The following RIT2 variants were observed in gnomAD, a reference collection of about 807,000 sequenced individuals.
RIT2 encodes the protein Ras like without CAAX 2.
In RIT2, 24 loss-of-function variants were observed where a neutral mutation model predicts 23.7. The ratio of observed to expected loss-of-function variants is 1.01; its 90% CI spans 0.73 to 1.43. The LOEUF is 1.43. Ranked by LOEUF, RIT2 falls within the 40% of genes most tolerant of loss-of-function variation. The pLI, the probability that RIT2 is intolerant of heterozygous loss-of-function variation, is 0.00. For synonymous variants in RIT2, 107 were observed against 91.1 expected (o/e 1.17, Z -0.99); for missense variants, 236 against 266.9 (o/e 0.88, Z 0.81).
chr18:42,806,621 A>G (rs1466276978), intron 4 of RIT2, among the ~76,000 whole-genome samples: 1 of 152,226 alleles, frequency 6.6e-6, no homozygotes, highest in African/African-American at 2.4e-5. Flanking sequence ...TTGCTTTTAC[A>G]TAATCAGTGT....
chr18:42,830,915 C>T (rs1906440097), intron 4 of RIT2, among the ~76,000 whole-genome samples: 1 of 152,060 alleles, frequency 6.6e-6, no homozygotes, highest in African/African-American at 2.4e-5. Context: ...ACTTTTGTCC[C>T]AAAAGTAATT....
intron 1 of RIT2, among the ~76,000 whole-genome samples, chr18:43,055,480 T>G (rs1366798885): frequency 6.6e-6 from 1 of 151,940 alleles, no homozygotes; most frequent in Non-Finnish European, 1.5e-5. Context: ...TACCCCTAAA[T>G]CAAAAGAGGG....
chr18:42,856,538 G>A (rs1314677984), intron 4 of RIT2, among the ~76,000 whole-genome samples: 1 of 152,142 alleles, frequency 6.6e-6, no homozygotes, highest in Non-Finnish European at 1.5e-5. Flanking sequence ...GCCTTAGGGG[G>A]AGTGATTTTT....
At chr18:42,980,443 A>G (rs899958075) in intron 2 of RIT2, among the ~76,000 whole-genome samples, 6 of 152,094 alleles carry the variant, frequency 3.9e-5, no homozygotes, top group African/African-American at 1.4e-4. Context: ...TCTCCCTAGT[A>G]TCAGAGGGAT....
rs1913605625 is a variant in RIT2 at position 43,098,450 on chromosome 18, G to A, written c.103+16967C>T. Among the ~76,000 whole-genome samples the A allele has an allele frequency of 3.3e-5, 5 of 151,978 alleles. No homozygotes were observed. The South Asian group carries it at 1.0e-3, about 31-fold the overall frequency. On this transcript the variant is annotated intron_variant, in intron 1 of 4. Transcript: ENST00000326695. ...AATCTTTTCACCCTAGATAAAGAGA[G>A]AATAGTTGTAACACACAGGGATGTA...
intron 4 of RIT2, among the ~76,000 whole-genome samples, chr18:42,744,104 C>A (rs1457576859): frequency 1.3e-5 from 2 of 152,052 alleles, no homozygotes; most frequent in Non-Finnish European, 2.9e-5. Flanking sequence ...CCTTGTGACC[C>A]CCACTCCTGT....
chr18:43,007,862 T>C (rs1368491763), intron 2 of RIT2, among the ~76,000 whole-genome samples: 2 of 151,704 alleles, frequency 1.3e-5, no homozygotes, highest in Admixed American at 6.6e-5. Context: ...AGTGATCAAA[T>C]AGCATTGGTC....
At chr18:43,079,472 A>T (rs1043148410) in intron 1 of RIT2, among the ~76,000 whole-genome samples, 2 of 152,218 alleles carry the variant, frequency 1.3e-5, no homozygotes, top group Admixed American at 6.5e-5. Flanking sequence ...ATATTAAGAC[A>T]CAATTAATTT....
intron 1 of RIT2, among the ~76,000 whole-genome samples, chr18:43,062,957 G>GT (rs201375727): frequency 1.6e-4 from 24 of 151,806 alleles, no homozygotes; most frequent in South Asian, 1.0e-3. Context: ...AAAATTTTGG[G>GT]TTTTTTTTGA....
chr18:42,819,012 A>G (rs1906073071), intron 4 of RIT2, among the ~76,000 whole-genome samples: 1 of 152,078 alleles, frequency 6.6e-6, no homozygotes, highest in Non-Finnish European at 1.5e-5. Context: ...TAAGGAGATG[A>G]CAGGTCAATG....
At chr18:43,039,834 G>A (rs1007364050) in intron 1 of RIT2, among the ~76,000 whole-genome samples, 5 of 152,148 alleles carry the variant, frequency 3.3e-5, no homozygotes, top group South Asian at 2.1e-4. Context: ...GTAAGATGGA[G>A]CCCACAAAAT....
At chr18:43,040,755 A>G (rs1276080905) in intron 1 of RIT2, among the ~76,000 whole-genome samples, 2 of 152,146 alleles carry the variant, frequency 1.3e-5, no homozygotes, top group Non-Finnish European at 2.9e-5. Flanking sequence ...CATAAGGGGG[A>G]AAAGGATATT....
chr18:42,829,736 G>T (rs1906402641), intron 4 of RIT2, among the ~76,000 whole-genome samples: 1 of 152,134 alleles, frequency 6.6e-6, no homozygotes, highest in African/African-American at 2.4e-5. Flanking sequence ...TAAATAGTGT[G>T]TGAGGTTAGG....
chr18:43,062,004 C>A (rs1433199005), intron 1 of RIT2, among the ~76,000 whole-genome samples: 1 of 152,040 alleles, frequency 6.6e-6, no homozygotes, highest in Non-Finnish European at 1.5e-5. Flanking sequence ...GGTGGCCACT[C>A]CCTCTAGCCC....
intron 1 of RIT2, among the ~76,000 whole-genome samples, chr18:43,043,818 A>G (rs899353566): frequency 2.0e-5 from 3 of 152,100 alleles, no homozygotes; most frequent in Non-Finnish European, 4.4e-5. Flanking sequence ...AAATAAATAA[A>G]TAAATCAAAT....
intron 1 of RIT2, among the ~76,000 whole-genome samples, chr18:43,090,584 G>T (rs201098512): frequency 1.3e-5 from 2 of 151,984 alleles, no homozygotes; most frequent in Non-Finnish European, 2.9e-5. Flanking sequence ...GTTCCTTACC[G>T]CACTATTCAC....
intron 4 of RIT2, among the ~76,000 whole-genome samples, chr18:42,884,605 T>C (rs16977074): frequency 0.13 from 20,140 of 152,194 alleles, 1,361 homozygotes; most frequent in Middle Eastern, 0.26. Context: ...TTGTTTGAAC[T>C]TACTGGAGAG....
chr18:43,010,056 G>A (rs907015285), intron 2 of RIT2, among the ~76,000 whole-genome samples: 4 of 151,742 alleles, frequency 2.6e-5, no homozygotes, highest in Admixed American at 2.6e-4. Context: ...TTTAGAAATT[G>A]TTTTCCATTG....
At chr18:42,745,003 GT>G (rs1273732073) in intron 4 of RIT2, among the ~76,000 whole-genome samples, 1 of 152,026 alleles carries the variant, frequency 6.6e-6, no homozygotes, top group Admixed American at 6.6e-5. Context: ...ACAGCTCCTG[GT>G]GCCTACATCA....
Sources: gnomAD v4.1 joint callset for allele counts (sites outside exome capture counted in the v4.1 genomes callset) on GRCh38, gnomAD v4.1.1 for gene constraint, MANE v1.5 for transcripts, NCBI Gene and HGNC (gene_info 2026-07-23, HGNC 2026-07-21) for gene names.